The following GRM1 variants were observed in gnomAD, a reference collection of about 807,000 sequenced individuals.
GRM1 encodes the protein glutamate metabotropic receptor 1, also known as metabotropic glutamate receptor 1.
Under a neutral mutation model 90.9 loss-of-function variants are expected in GRM1, and 33 were observed. The observed-to-expected ratio is 0.36, with a 90% CI of 0.28 to 0.49. The LOEUF is 0.49. GRM1 is among the 20% of genes least tolerant of loss of function. The pLI is 0.99. For synonymous variants in GRM1, 700 were observed against 613.2 expected, an observed-to-expected ratio of 1.14 and a Z score of -2.09; for missense variants, 1,190 against 1,534.3, an observed-to-expected ratio of 0.78 and a Z score of 3.75.
intron 1 of GRM1, among the ~76,000 whole-genome samples, chr6:146,146,772 G>A (rs565998258): frequency 9.2e-5 from 14 of 152,054 alleles, no homozygotes; most frequent in South Asian, 4.1e-4. Context: ...AGTCTCCACC[G>A]GTAAAGAGAC....
intron 2 of GRM1, among the ~76,000 whole-genome samples, chr6:146,300,802 C>T (rs1468539419): frequency 6.6e-6 from 1 of 152,148 alleles, no homozygotes; most frequent in East Asian, 1.9e-4. Flanking sequence ...AGGTCAAGCA[C>T]AGTCTAGTTT....
intron 2 of GRM1, among the ~76,000 whole-genome samples, chr6:146,265,163 A>C (rs909620063): frequency 6.6e-6 from 1 of 152,202 alleles, no homozygotes; most frequent in African/African-American, 2.4e-5. Context: ...GTGTATAAGC[A>C]TTCCATTTTG....
chr6:146,295,055 C>T (rs764866549), intron 2 of GRM1, among the ~76,000 whole-genome samples: 3 of 151,856 alleles, frequency 2.0e-5, no homozygotes, highest in Non-Finnish European at 2.9e-5. Context: ...GCTTATCTTG[C>T]GCTTGCTGTT....
Position 146,029,297 on chromosome 6 carries a change from A to G in GRM1, c.-221A>G. 1.7e-6 allele frequency: 1 copy of G among 590,486 alleles called. No individual in the cohort carries two copies. Among genetic ancestry groups the G allele is most frequent in the African/African-American group, 1.9e-5 (1 of 53,632 alleles). The allele number at this position is 590,486 out of a possible 1,614,324, so 36.6% of individuals were successfully genotyped here. A position where few individuals can be genotyped will look rare whatever the true frequency, so the allele number is the denominator to read the frequency against. On this transcript the variant is annotated 5_prime_UTR_variant, in exon 1 of 8. Transcript: ENST00000282753. ...AACGGGGACTCGAATTCCCTTACAAACGCCTCCAGCTTGTAGAGGCGGTCG... is the reference window on the plus strand; with the variant it reads ...AACGGGGACTCGAATTCCCTTACAAGCGCCTCCAGCTTGTAGAGGCGGTCG...
At chr6:146,375,812 GC>G (rs1239929567) in intron 5 of GRM1, among the ~76,000 whole-genome samples, 1 of 151,872 alleles carries the variant, frequency 6.6e-6, no homozygotes, top group Non-Finnish European at 1.5e-5. Context: ...GTAGGCAGCA[GC>G]TTTTAGTCAG....
intron 1 of GRM1, among the ~76,000 whole-genome samples, chr6:146,078,242 G>A (rs753238139): frequency 2.0e-5 from 3 of 152,086 alleles, no homozygotes; most frequent in Admixed American, 1.3e-4. Context: ...GAGATCTGCC[G>A]GTGTGATGGA....
At chr6:146,426,553 CT>C (rs1778218858) in intron 7 of GRM1, 1 of 1,610,796 alleles carries the variant, frequency 6.2e-7, no homozygotes, top group African/African-American at 1.3e-5. Context: ...TCTTTTCAAT[CT>C]TCAGGAAGAG....
At chr6:146,203,994 C>T (rs1226379833) in intron 2 of GRM1, among the ~76,000 whole-genome samples, 1 of 152,186 alleles carries the variant, frequency 6.6e-6, no homozygotes, top group Non-Finnish European at 1.5e-5. Context: ...AATAAATTCA[C>T]TTGTTCTTCA....
At chr6:146,223,165 A>G (rs922175314) in intron 2 of GRM1, among the ~76,000 whole-genome samples, 7 of 152,186 alleles carry the variant, frequency 4.6e-5, no homozygotes, top group African/African-American at 1.7e-4. Context: ...AGGTATTGTA[A>G]AGAGTAGATC....
At chr6:146,044,370 A>G (rs1025023589) in intron 1 of GRM1, among the ~76,000 whole-genome samples, 3 of 151,988 alleles carry the variant, frequency 2.0e-5, no homozygotes, top group Non-Finnish European at 2.9e-5. Context: ...TGGTGTTCTC[A>G]TGCACTTCCC....
intron 1 of GRM1, among the ~76,000 whole-genome samples, chr6:146,086,085 A>T (rs537505191): frequency 7.4e-4 from 112 of 152,266 alleles, no homozygotes; most frequent in Non-Finnish European, 1.3e-3. Context: ...TGATAGTGGA[A>T]TAGTATGTAT....
chr6:146,343,280 G>A (rs1562624036), intron 3 of GRM1, among the ~76,000 whole-genome samples: 1 of 152,104 alleles, frequency 6.6e-6, no homozygotes, highest in East Asian at 1.9e-4. Flanking sequence ...AGCTAAGGTC[G>A]TGTTTACCAG....
At chr6:146,400,417 A>G (rs1489609426) in intron 7 of GRM1, among the ~76,000 whole-genome samples, 2 of 152,188 alleles carry the variant, frequency 1.3e-5, no homozygotes, top group Admixed American at 6.5e-5. Flanking sequence ...AAAAAAAATA[A>G]AAAAAGGGAA....
intron 2 of GRM1, among the ~76,000 whole-genome samples, chr6:146,295,449 T>C (rs1783142535): frequency 6.6e-6 from 1 of 151,592 alleles, no homozygotes; most frequent in African/African-American, 2.4e-5. Flanking sequence ...GCCAGGCTGG[T>C]CTCGAACTCC....
chr6:146,430,123 C>A (rs941431370), intron 7 of GRM1, among the ~76,000 whole-genome samples: 5 of 152,196 alleles, frequency 3.3e-5, no homozygotes, highest in Non-Finnish European at 5.9e-5. Context: ...CAGACAGGAT[C>A]ACTGAATGCC....
chr6:146,414,228 G>C (rs1777677774), intron 7 of GRM1, among the ~76,000 whole-genome samples: 1 of 152,084 alleles, frequency 6.6e-6, no homozygotes, highest in African/African-American at 2.4e-5. Flanking sequence ...TAATGCGTAT[G>C]TAGAGGTATT....
chr6:146,118,477 G>A (rs560873260), intron 1 of GRM1, among the ~76,000 whole-genome samples: 4 of 152,254 alleles, frequency 2.6e-5, no homozygotes, highest in African/African-American at 9.6e-5. Context: ...TAGAGTACAT[G>A]TGCACAACGT....
At chr6:146,062,113 A>G (rs1343249720) in intron 1 of GRM1, among the ~76,000 whole-genome samples, 1 of 152,182 alleles carries the variant, frequency 6.6e-6, no homozygotes, top group East Asian at 1.9e-4. Flanking sequence ...TCAGTGATAG[A>G]CTGGATAAAG....
intron 1 of GRM1, among the ~76,000 whole-genome samples, chr6:146,032,011 C>A (rs1443340514): frequency 1.3e-5 from 2 of 152,022 alleles, no homozygotes; most frequent in Non-Finnish European, 2.9e-5. Flanking sequence ...TTCCATATTT[C>A]ATTATAAGAT....
Sources: gnomAD v4.1 joint callset for allele counts (sites outside exome capture counted in the v4.1 genomes callset) on GRCh38, gnomAD v4.1.1 for gene constraint, MANE v1.5 for transcripts, NCBI Gene and HGNC (gene_info 2026-07-23, HGNC 2026-07-21) for gene names.